The following SCN3B variants were observed in gnomAD, a reference collection of about 807,000 sequenced individuals.
The protein encoded by SCN3B is sodium channel regulatory subunit beta-3.
Under a neutral mutation model 25.4 loss-of-function variants are expected in SCN3B, and 11 were observed. The observed-to-expected ratio is 0.43, with a 90% CI of 0.27 to 0.72. The LOEUF (loss-of-function observed/expected upper bound fraction) is 0.72, where lower values mean the gene tolerates loss of function less well. Ranked by LOEUF, SCN3B falls within the 30% of genes least tolerant of loss-of-function variation. The probability of loss-of-function intolerance (pLI) is 0.18; values close to 1 mark genes in which losing one functional copy is unlikely to be tolerated. For missense variants in SCN3B, 218 were observed against 278.3 expected (o/e 0.78, Z 1.54); for synonymous variants, 109 against 110.7 (o/e 0.99, Z 0.09).
rs1955809170 is a variant in SCN3B at position 123,642,941 on chromosome 11, T to C, written c.220-270A>G. 6.6e-6 allele frequency among the ~76,000 whole-genome samples: 1 copy of C among 151,234 alleles called. No individual in the cohort carries two copies. Among genetic ancestry groups the C allele is most frequent in the South Asian group, 2.1e-4 (1 of 4,780 alleles). On this transcript the variant is annotated intron_variant, in intron 3 of 6. Coordinates refer to ENST00000299333, the MANE Select transcript of SCN3B (RefSeq NM_001040151.2). This position sits in a 1 kb window ranked among gnomAD's most constrained non-coding sequence, Gnocchi z 4.3. Reference sequence around the variant, plus strand: ...GAGGACAGAGGCAGCCACGGGCGTGTAGGAAGAAGCTTGGCAGAAAAAAAG... The same window carrying C: ...GAGGACAGAGGCAGCCACGGGCGTGCAGGAAGAAGCTTGGCAGAAAAAAAG...
In SCN3B at chr11:123,645,595, C is replaced by A; in HGVS notation, c.211G>T (p.Asp71Tyr). The stretch of plus-strand genomic sequence containing the variant: ...TCAGCAGTCTAACATACAAGGAAAT[C>A]TTTACCGCCCTCGGGCCTGTAGAAC... ...EWFYRPEGGK[D>Y]FLIYEYRNGH... The change falls in exon 3 of 7, where the codon GAT (aspartate) becomes TAT (tyrosine). Residue 71 changes from aspartate to tyrosine, a missense_variant. Coordinates refer to ENST00000299333, the MANE Select transcript of SCN3B (RefSeq NM_001040151.2). 1 of 1,614,180 alleles carries A rather than the reference C, an allele frequency of 6.2e-7. No individual in the cohort carries two copies. The highest frequency in any genetic ancestry group is 8.5e-7 in the Non-Finnish European group (1 of 1,180,030).
chr11:123,648,335 G>A (rs1792016), intron 2 of SCN3B, among the ~76,000 whole-genome samples: 36,345 of 152,106 alleles, frequency 0.24, 4,492 homozygotes, highest in Admixed American at 0.29. Flanking sequence ...CATGCTGAAA[G>A]TTACATCTGT....
rs1355778424 is a variant in SCN3B, at chr11:123,634,388, G to A, written c.585-182C>T. 3.9e-5 allele frequency among the ~76,000 whole-genome samples: 6 copies of A among 152,194 alleles called. No individual in the cohort carries two copies. In the South Asian group the frequency reaches 1.2e-3, roughly 31 times the overall value. On this transcript the variant is annotated intron_variant, in intron 5 of 6. Transcript: ENST00000299333. The stretch of plus-strand genomic sequence containing the variant: ...TAAAATAATCATTTCCCCCATATAT[G>A]TACACGAACACCCACCAGGAGTGTA...
In SCN3B at chr11:123,633,939, G is replaced by A. The variant is rs1007779875; in HGVS notation, c.*23-163C>T. ...CTCAGGTCAAAGCAGTTCACCTTCC[G>A]AAGCGCTGACATCATACAGAGCTTT... On this transcript the variant is annotated intron_variant, in intron 6 of 6. Transcript: ENST00000299333. 37 of 579,646 alleles carry A rather than the reference G, an allele frequency of 6.4e-5. 1 individual carries two copies. The highest frequency in any genetic ancestry group is 3.1e-4 in the Middle Eastern group (1 of 3,198). The allele number at this position is 579,646 out of a possible 1,614,324, so 35.9% of individuals were successfully genotyped here. A position where few individuals can be genotyped will look rare whatever the true frequency, so the allele number is the denominator to read the frequency against.
At chr11:123,652,104 G>T (rs530904988) in intron 2 of SCN3B, among the ~76,000 whole-genome samples, 1 of 152,296 alleles carries the variant, frequency 6.6e-6, no homozygotes, top group East Asian at 1.9e-4. Context: ...CAAAATCTTA[G>T]ATTAGAGTTC....
intron 4 of SCN3B, chr11:123,641,263 G>C (rs1350835817): frequency 6.6e-6 from 1 of 152,360 alleles, no homozygotes; most frequent in African/African-American, 2.4e-5. Flanking sequence ...GAGGAGCGGG[G>C]CTCCGAGCAG....
At chr11:123,638,506 C>T in intron 4 of SCN3B, 182 bp from the exon 5 acceptor site, 1 of 768,658 alleles carries the variant, frequency 1.3e-6, no homozygotes, top group South Asian at 1.7e-5. Context: ...TCATCAGCTG[C>T]TCAGGAGCCA....
In SCN3B at chr11:123,631,462, T is replaced by G. The variant is rs1955671566; in HGVS notation, c.*2337A>C. On this transcript the variant is annotated 3_prime_UTR_variant, in exon 7 of 7. Coordinates refer to ENST00000299333, the MANE Select transcript of SCN3B (RefSeq NM_001040151.2). ...ATTTCAGAGGGATTGTGTGGAAAAT[T>G]ACCAATAAGAAGAGTCTTGAATTTA... 2 of 152,174 alleles carry G rather than the reference T, an allele frequency of 1.3e-5. No individual in the cohort carries two copies. Among genetic ancestry groups the G allele is most frequent in the South Asian group, 4.1e-4 (2 of 4,830 alleles). The allele number at this position is 152,174 out of a possible 1,614,324, so 9.4% of individuals were successfully genotyped here.
At chr11:123,653,560 T>TG (rs1955956824) in intron 2 of SCN3B, among the ~76,000 whole-genome samples, 187 bp downstream of exon 2, 1 of 151,754 alleles carries the variant, frequency 6.6e-6, no homozygotes, top group Non-Finnish European at 1.5e-5. Context: ...GGAAGGGCGG[T>TG]GGGGAGGCGC....
Position 123,631,478 on chromosome 11 carries a change from C to A in SCN3B, c.*2321G>T, listed in dbSNP as rs1955671764. On this transcript the variant is annotated 3_prime_UTR_variant, in exon 7 of 7. Coordinates refer to ENST00000299333, the MANE Select transcript of SCN3B (RefSeq NM_001040151.2). ...GTGGAAAATTACCAATAAGAAGAGT[C>A]TTGAATTTATTGCAAATATTTTCTT... The A allele has an allele frequency of 6.6e-6, 1 of 152,138 alleles. No individual in the cohort carries two copies. The highest frequency in any genetic ancestry group is 2.4e-5 in the African/African-American group (1 of 41,430). 9.4% of individuals were successfully genotyped at this position (152,138 alleles called of 1,614,324 possible).
chr11:123,648,310 T>C (rs1333740659), intron 2 of SCN3B, among the ~76,000 whole-genome samples: 1 of 152,234 alleles, frequency 6.6e-6, no homozygotes, highest in African/African-American at 2.4e-5. Context: ...CTGGACTCAG[T>C]TTATTCATCG....
chr11:123,650,872 A>G (rs1254384507), intron 2 of SCN3B, among the ~76,000 whole-genome samples: 1 of 152,178 alleles, frequency 6.6e-6, no homozygotes, highest in Non-Finnish European at 1.5e-5. Context: ...CAAGCAATGT[A>G]TTGAAAATTA....
At chr11:123,636,008 A>G (rs553165373) in intron 5 of SCN3B, among the ~76,000 whole-genome samples, 2 of 152,324 alleles carry the variant, frequency 1.3e-5, no homozygotes, top group Non-Finnish European at 2.9e-5. Context: ...TTGGGATTTC[A>G]TTGAATTTGA....
rs1955645817 is a variant in SCN3B at position 123,629,719 on chromosome 11, A to G, written c.*4080T>C. On this transcript the variant is annotated 3_prime_UTR_variant, in exon 7 of 7. Transcript: ENST00000299333. Reference sequence around the variant, plus strand: ...GAATGAGTGGATGATCAGACTGGCAAGCACACCAAGCACTATTCAGATACA... The same window carrying G: ...GAATGAGTGGATGATCAGACTGGCAGGCACACCAAGCACTATTCAGATACA... 1.3e-5 allele frequency: 2 copies of G among 152,270 alleles called. No individual in the cohort carries two copies. Among genetic ancestry groups the G allele is most frequent in the South Asian group, 4.1e-4 (2 of 4,836 alleles). 9.4% of individuals were successfully genotyped at this position (152,270 alleles called of 1,614,324 possible). A position where few individuals can be genotyped will look rare whatever the true frequency, so the allele number is the denominator to read the frequency against.
intron 2 of SCN3B, among the ~76,000 whole-genome samples, chr11:123,649,637 C>CT (rs35009568): frequency 0.06 from 8,892 of 148,884 alleles, 347 homozygotes; most frequent in Middle Eastern, 0.096. Flanking sequence ...TTCTTTCTTT[C>CT]TTTTTTTTCT....
At chr11:123,633,953 A>G in intron 6 of SCN3B, 168 bp downstream of exon 6, 1 of 624,706 alleles carries the variant, frequency 1.6e-6, no homozygotes, top group Non-Finnish European at 2.9e-6. Flanking sequence ...CGCTGACATC[A>G]TACAGAGCTT....
At chr11:123,651,092 TG>T (rs1170780498) in intron 2 of SCN3B, among the ~76,000 whole-genome samples, 2 of 150,566 alleles carry the variant, frequency 1.3e-5, no homozygotes, top group African/African-American at 4.8e-5. Context: ...ATTATTTTAT[TG>T]TATTAATTAT....
chr11:123,649,774 G>A (rs1429716967), intron 2 of SCN3B, among the ~76,000 whole-genome samples: 1 of 150,694 alleles, frequency 6.6e-6, no homozygotes, highest in South Asian at 2.1e-4. Context: ...CATGATCTCA[G>A]CTTACTGCAA....
intron 2 of SCN3B, among the ~76,000 whole-genome samples, chr11:123,652,448 A>G (rs1320223181): frequency 6.6e-6 from 1 of 152,176 alleles, no homozygotes; most frequent in Non-Finnish European, 1.5e-5. Context: ...CACATGCAAA[A>G]TCCAGATAAT....
Sources: gnomAD v4.1 joint callset for allele counts (sites outside exome capture counted in the v4.1 genomes callset) on GRCh38, gnomAD v4.1.1 for gene constraint, Gnocchi (gnomAD v3.1) non-coding constraint, MANE v1.5 for transcripts, NCBI Gene and HGNC (gene_info 2026-07-23, HGNC 2026-07-21) for gene names.